BTG4: variants seen among roughly 807,000 people sequenced by gnomAD.
The protein encoded by BTG4 is BTG anti-proliferation factor 4, also known as protein BTG4.
A neutral mutation model predicts 19.3 loss-of-function variants in BTG4; 10 were observed. That is an observed-to-expected ratio of 0.52 (90% CI 0.32 to 0.88). The LOEUF is 0.88. Ranked by LOEUF, BTG4 falls within the 40% of genes least tolerant of loss-of-function variation. BTG4 has a pLI of 0.04. For missense variants in BTG4, 238 were observed against 281.9 expected, an observed-to-expected ratio of 0.84 and a Z score of 1.11; for synonymous variants, 91 against 95.7, an observed-to-expected ratio of 0.95 and a Z score of 0.29.
At chr11:111,453,523 T>C in the BTG4 span, 1 of 456,592 alleles carries the variant, frequency 2.2e-6, no homozygotes, top group East Asian at 6.9e-5. Context: ...TGGGATAATG[T>C]CAATAAGGAG....
chr11:111,407,142 C>T, the BTG4 span, among the ~76,000 whole-genome samples: 4 of 148,560 alleles, frequency 2.7e-5, no homozygotes, highest in African/African-American at 9.8e-5. Flanking sequence ...TTATTATATA[C>T]TATCAATTAT....
At chr11:111,495,737 G>T (rs74816032) in intron 4 of BTG4, among the ~76,000 whole-genome samples, 3,729 of 152,172 alleles carry the variant, frequency 0.025, 84 homozygotes, top group Middle Eastern at 0.085. Context: ...AAAGAATATA[G>T]CTGATTACAG....
intron 1 of BTG4, among the ~76,000 whole-genome samples, chr11:111,505,087 C>G (rs746372472): frequency 1.3e-5 from 2 of 151,756 alleles, no homozygotes; most frequent in African/African-American, 4.8e-5. Flanking sequence ...CAATTACCAG[C>G]CTTGTTTTTC....
the BTG4 span, among the ~76,000 whole-genome samples, chr11:111,438,984 A>G: frequency 1.3e-5 from 2 of 152,210 alleles, no homozygotes; most frequent in Admixed American, 1.3e-4. Context: ...ACTTAAGGGA[A>G]AGCAGGCTGC....
intron 1 of BTG4, among the ~76,000 whole-genome samples, chr11:111,500,815 G>A (rs1209793025): frequency 6.6e-6 from 1 of 151,918 alleles, no homozygotes; most frequent in Non-Finnish European, 1.5e-5. Flanking sequence ...TGTTGGCAGT[G>A]GCATCACACC....
At chr11:111,387,342 A>T in the BTG4 span, among the ~76,000 whole-genome samples, 1 of 152,224 alleles carries the variant, frequency 6.6e-6, no homozygotes, top group Non-Finnish European at 1.5e-5. Context: ...GCAGGTTCTT[A>T]TCTAGGAAGA....
chr11:111,438,285 G>A, the BTG4 span, among the ~76,000 whole-genome samples: 1 of 152,296 alleles, frequency 6.6e-6, no homozygotes, highest in South Asian at 2.1e-4. Flanking sequence ...ATTCTAGCCT[G>A]GAACTTGGGC....
At chr11:111,456,746 C>A in the BTG4 span, 1 of 318,496 alleles carries the variant, frequency 3.1e-6, no homozygotes, top group Non-Finnish European at 6.5e-6. This position sits in a 1 kb window ranked among gnomAD's most constrained non-coding sequence, Gnocchi z 4.2. Context: ...GCCGGTGAGC[C>A]CCTGGCCCAC....
upstream of BTG4, chr11:111,513,144 G>C (rs1867073462): frequency 7.9e-6 from 3 of 381,700 alleles, no homozygotes; most frequent in South Asian, 6.0e-5. Context: ...GCGAGCGCCC[G>C]CTGCAAGTGC....
intron 5 of BTG4, among the ~76,000 whole-genome samples, chr11:111,482,394 T>C (rs1460549118): frequency 6.6e-6 from 1 of 152,094 alleles, no homozygotes; most frequent in Non-Finnish European, 1.5e-5. Context: ...GATTGATATA[T>C]AGGGTGAATA....
intron 1 of BTG4, among the ~76,000 whole-genome samples, chr11:111,500,921 G>A (rs1866035085): frequency 6.6e-6 from 1 of 151,972 alleles, no homozygotes; most frequent in Non-Finnish European, 1.5e-5. Context: ...TTAAAAATAT[G>A]GGCATTAAGA....
chr11:111,469,970 G>C (rs1480674890), intron 5 of BTG4: 1 of 152,668 alleles, frequency 6.6e-6, no homozygotes, highest in Non-Finnish European at 1.5e-5. Context: ...CTTGGAGCCA[G>C]AATCACTAGA....
intron 1 of BTG4, among the ~76,000 whole-genome samples, chr11:111,502,808 T>C (rs887048159): frequency 6.6e-6 from 1 of 152,220 alleles, no homozygotes; most frequent in Non-Finnish European, 1.5e-5. Context: ...AGCATTATTT[T>C]CTGCAACAGG....
intron 1 of BTG4, 30 bp from the exon 2 acceptor site, chr11:111,498,832 T>C (rs1865897151): frequency 3.5e-6 from 5 of 1,433,330 alleles, no homozygotes; most frequent in African/African-American, 1.4e-5. Context: ...CAAGAAGAAA[T>C]AGAAAGAAAT....
At chr11:111,501,439 G>A (rs1169395421) in intron 1 of BTG4, among the ~76,000 whole-genome samples, 1 of 152,158 alleles carries the variant, frequency 6.6e-6, no homozygotes, top group African/African-American at 2.4e-5. Flanking sequence ...GTAGTGTGCT[G>A]GCTATTGTAA....
the BTG4 span, among the ~76,000 whole-genome samples, chr11:111,458,707 G>A: frequency 8.6e-5 from 13 of 151,774 alleles, no homozygotes; most frequent in Admixed American, 3.3e-4. Flanking sequence ...ACCTCCCACC[G>A]ACAGCCCTGA....
chr11:111,461,047 T>C, the BTG4 span, among the ~76,000 whole-genome samples: 1 of 152,136 alleles, frequency 6.6e-6, no homozygotes, highest in South Asian at 2.1e-4. Flanking sequence ...CCCTGGCAGC[T>C]GTGCGGAGGA....
intron 1 of BTG4, among the ~76,000 whole-genome samples, chr11:111,502,740 C>G (rs901848659): frequency 6.6e-6 from 1 of 152,202 alleles, no homozygotes; most frequent in Non-Finnish European, 1.5e-5. Flanking sequence ...TGATGACAAA[C>G]TGTTCCCTTG....
the BTG4 span, among the ~76,000 whole-genome samples, chr11:111,403,348 GGACT>G: frequency 1.3e-5 from 2 of 152,294 alleles, no homozygotes; most frequent in Non-Finnish European, 2.9e-5. Context: ...GCGTTAGGTA[GGACT>G]GAAATTAAAA....
Sources: gnomAD v4.1 joint callset for allele counts (sites outside exome capture counted in the v4.1 genomes callset) on GRCh38, gnomAD v4.1.1 for gene constraint, Gnocchi (gnomAD v3.1) non-coding constraint, MANE v1.5 for transcripts, NCBI Gene and HGNC (gene_info 2026-07-23, HGNC 2026-07-21) for gene names.